Variants in CAPZA1 observed in about 807,000 individuals in gnomAD.
CAPZA1 encodes the protein capping actin protein of muscle Z-line subunit alpha 1, also known as F-actin-capping protein subunit alpha-1.
A neutral mutation model predicts 40.8 loss-of-function variants in CAPZA1; 10 were observed. That is an observed-to-expected ratio of 0.25 (90% CI 0.15 to 0.42). CAPZA1 has a LOEUF of 0.42. Among genes scored for constraint, CAPZA1 ranks in the 10% least tolerant of loss-of-function variants. CAPZA1 has a pLI of 1.00. For synonymous variants in CAPZA1, 98 were observed against 115.0 expected (o/e 0.85, Z 0.95); for missense variants, 277 against 353.8 (o/e 0.78, Z 1.74).
intron 3 of CAPZA1, among the ~76,000 whole-genome samples, chr1:112,651,791 G>A (rs183184482): frequency 1.7e-4 from 26 of 152,134 alleles, no homozygotes; most frequent in African/African-American, 6.3e-4. Context: ...TTTGCTACAT[G>A]GGGATGTGGT....
intron 1 of CAPZA1, among the ~76,000 whole-genome samples, chr1:112,640,209 G>A (rs1671120227): frequency 8.4e-6 from 1 of 119,160 alleles, no homozygotes; most frequent in Admixed American, 7.8e-5. Flanking sequence ...CCCCCCGCCC[G>A]GCCAGCCGCC....
Position 112,658,912 on chromosome 1 carries a change from A to C in CAPZA1, c.427-110A>C, listed in dbSNP as rs527567924. ...CACTATTGTGTTCTAAGCTCATTTT[A>C]TGTGATTCTTTGTCTCCCCCAAGGA... On this transcript the variant is annotated intron_variant, in intron 5 of 9. Coordinates refer to ENST00000263168, the MANE Select transcript of CAPZA1 (RefSeq NM_006135.3). The C allele has an allele frequency of 7.6e-6, 6 of 785,022 alleles. No individual in the cohort carries two copies. In the African/African-American group the frequency reaches 1.0e-4, roughly 13 times the overall value. 48.6% of individuals were successfully genotyped at this position (785,022 alleles called of 1,614,324 possible).
Position 112,649,411 on chromosome 1 carries a change from TC to T in CAPZA1, c.104-5del, listed in dbSNP as rs1671343580. The T allele has an allele frequency of 6.2e-7, 1 of 1,609,558 alleles. No homozygotes were observed. Among genetic ancestry groups the T allele is most frequent in the African/African-American group, 1.3e-5 (1 of 74,754 alleles). ...CCACTGAACATTGTAACATTTTTCC[TC>T]CTCAGACGTTCGGCTACTACTTAAT... On this transcript the variant is annotated splice_region_variant and splice_polypyrimidine_tract_variant and intron_variant, in intron 2 of 9. Coordinates refer to ENST00000263168, the MANE Select transcript of CAPZA1 (RefSeq NM_006135.3).
intron 1 of CAPZA1, among the ~76,000 whole-genome samples, chr1:112,644,046 T>C (rs1460412944): frequency 6.6e-6 from 1 of 151,854 alleles, no homozygotes; most frequent in Non-Finnish European, 1.5e-5. Context: ...GGTTTCACCA[T>C]GTTGGCCAGG....
At chr1:112,636,282 A>G (rs1671017294) in intron 1 of CAPZA1, among the ~76,000 whole-genome samples, 1 of 152,208 alleles carries the variant, frequency 6.6e-6, no homozygotes, top group African/African-American at 2.4e-5. Context: ...TGTGAAAATG[A>G]AATTTTGAAT....
rs535528048 is a variant in CAPZA1, at chr1:112,637,566, A to G, written c.40-9644A>G. On this transcript the variant is annotated intron_variant, in intron 1 of 9. Transcript: ENST00000263168. ...AGGCTCAAGTGATCCTCCTGCCTCA[A>G]CCTCCTGAGTAGCTTGGACTACAGG... 4.6e-4 allele frequency among the ~76,000 whole-genome samples: 70 copies of G among 152,184 alleles called. 4 individuals are homozygous for G. The South Asian group carries it at 0.014, about 30-fold the overall frequency.
Position 112,620,062 on chromosome 1 carries a change from G to A in CAPZA1, c.39+179G>A, listed in dbSNP as rs539918627. Reference sequence around the variant, plus strand: ...GGGGGCTTTCCTCTGCCTCACGGTGGCCCCAGTTCCTCGTTCCTCGACTCT... The same window carrying A: ...GGGGGCTTTCCTCTGCCTCACGGTGACCCCAGTTCCTCGTTCCTCGACTCT... On this transcript the variant is annotated intron_variant, in intron 1 of 9. Transcript: ENST00000263168. The A allele has an allele frequency of 2.0e-3, 1,100 of 556,364 alleles. 2 individuals are homozygous for A. The highest frequency in any genetic ancestry group is 2.7e-3 in the Non-Finnish European group (853 of 312,660). The allele number at this position is 556,364 out of a possible 1,614,324, so 34.5% of individuals were successfully genotyped here.
intron 7 of CAPZA1, among the ~76,000 whole-genome samples, chr1:112,665,109 A>G (rs1294462434): frequency 6.6e-6 from 1 of 151,988 alleles, no homozygotes; most frequent in Non-Finnish European, 1.5e-5. Flanking sequence ...TTATCCCTCA[A>G]AACATTCTGT....
intron 1 of CAPZA1, among the ~76,000 whole-genome samples, chr1:112,635,878 A>G (rs893967797): frequency 1.3e-5 from 2 of 152,070 alleles, no homozygotes. Flanking sequence ...AAAATGCAAA[A>G]ATTAGCCAGG....
intron 6 of CAPZA1, chr1:112,659,456 GA>G: frequency 7.5e-6 from 4 of 535,636 alleles, no homozygotes; most frequent in Non-Finnish European, 9.9e-6. Flanking sequence ...CATTTCAAGG[GA>G]AAAAAGGAAA....
intron 1 of CAPZA1, chr1:112,620,452 C>A (rs1029231535): frequency 6.6e-6 from 1 of 152,332 alleles, no homozygotes; most frequent in African/African-American, 2.4e-5. Flanking sequence ...CCTGTACTGT[C>A]GCCTGTCTGA....
At position 112,671,333 on chromosome 1, in the gene CAPZA1, AC is replaced by A. The variant is rs1328847260; in HGVS notation, c.*1203del. On this transcript the variant is annotated 3_prime_UTR_variant, in exon 10 of 10. Transcript: ENST00000263168. ...CATTTACATTGTTTACACTTCTATG[AC>A]CAGGCCTTAAGGGAAGGTCAGTTTT... 6.6e-6 allele frequency: 1 copy of A among 152,610 alleles called. No homozygotes were observed. The highest frequency in any genetic ancestry group is 2.4e-5 in the African/African-American group (1 of 41,424). 9.5% of individuals were successfully genotyped at this position (152,610 alleles called of 1,614,324 possible). A position where few individuals can be genotyped will look rare whatever the true frequency, so the allele number is the denominator to read the frequency against.
chr1:112,641,886 CAAAA>C (rs56057393), intron 1 of CAPZA1, among the ~76,000 whole-genome samples: 5 of 98,098 alleles, frequency 5.1e-5, no homozygotes, highest in Non-Finnish European at 6.3e-5. Context: ...GAGACTGTCT[CAAAA>C]AAAAAAAAAA....
intron 1 of CAPZA1, among the ~76,000 whole-genome samples, chr1:112,638,966 A>C (rs1035986883): frequency 6.7e-6 from 1 of 148,718 alleles, no homozygotes; most frequent in Non-Finnish European, 1.5e-5. Context: ...AGATATATAT[A>C]GAGAGAGAAT....
intron 1 of CAPZA1, among the ~76,000 whole-genome samples, chr1:112,644,514 T>G (rs1425839839): frequency 6.6e-6 from 1 of 152,084 alleles, no homozygotes; most frequent in African/African-American, 2.4e-5. Flanking sequence ...TTCAAGAGAC[T>G]CTTGAACGTA....
At chr1:112,654,038 G>A (rs1400249110) in intron 4 of CAPZA1, among the ~76,000 whole-genome samples, 2 of 152,100 alleles carry the variant, frequency 1.3e-5, no homozygotes, top group Admixed American at 1.3e-4. Flanking sequence ...GAAATGGGAT[G>A]AGAAAACAGT....
intron 1 of CAPZA1, among the ~76,000 whole-genome samples, chr1:112,640,466 G>A: frequency 8.2e-6 from 1 of 121,834 alleles, no homozygotes; most frequent in Non-Finnish European, 1.7e-5. Flanking sequence ...TGCCCAGCCA[G>A]CCGCCCAGTC....
intron 7 of CAPZA1, among the ~76,000 whole-genome samples, chr1:112,662,395 C>CTTTTTTTTTT (rs35100851): frequency 1.6e-4 from 16 of 97,260 alleles, no homozygotes; most frequent in Non-Finnish European, 2.3e-4. Flanking sequence ...TAGAATTTTT[C>CTTTTTTTTTT]TTTTTTTTTT....
At chr1:112,659,971 A>G (rs1671572730) in intron 7 of CAPZA1, among the ~76,000 whole-genome samples, 192 bp downstream of exon 7, 1 of 152,122 alleles carries the variant, frequency 6.6e-6, no homozygotes, top group Non-Finnish European at 1.5e-5. Flanking sequence ...GATAGCATGT[A>G]GAGTGTATGG....
Sources: allele counts gnomAD v4.1 joint callset (sites outside exome capture counted in the v4.1 genomes callset), GRCh38; gene constraint gnomAD v4.1.1; transcripts MANE v1.5; gene names NCBI Gene and HGNC (gene_info 2026-07-23, HGNC 2026-07-21).